Variants in USP15 observed in about 807,000 individuals in gnomAD.
USP15 encodes ubiquitin specific peptidase 15, also known as ubiquitin carboxyl-terminal hydrolase 15.
A neutral mutation model predicts 127.1 loss-of-function variants in USP15; 18 were observed. That is an observed-to-expected ratio of 0.14 (90% CI 0.10 to 0.21). USP15 has a LOEUF of 0.21. USP15 is among the 10% of genes least tolerant of loss of function. USP15 has a pLI of 1.00. For synonymous variants in USP15, 364 were observed against 393.7 expected (o/e 0.92, Z 0.89); for missense variants, 805 against 1,159.9 (o/e 0.69, Z 4.44).
At chr12:62,335,814 G>A in intron 6 of USP15, 1 of 985,166 alleles carries the variant, frequency 1.0e-6, no homozygotes, top group Non-Finnish European at 1.2e-6. Flanking sequence ...TTTTAACCTA[G>A]TTTATTTGAC....
intron 8 of USP15, among the ~76,000 whole-genome samples, chr12:62,377,870 GA>G (rs2066878728): frequency 6.6e-6 from 1 of 151,936 alleles, no homozygotes; most frequent in African/African-American, 2.4e-5. Context: ...AAAATTATGA[GA>G]ACTTTTAATA....
chr12:62,287,345 A>G (rs565118287), intron 1 of USP15, among the ~76,000 whole-genome samples: 43 of 152,342 alleles, frequency 2.8e-4, no homozygotes, highest in African/African-American at 9.9e-4. Context: ...AAAATTTTTT[A>G]AAACGAATTT....
chr12:62,260,735 C>T (rs1323556565), intron 1 of USP15, among the ~76,000 whole-genome samples: 1 of 152,142 alleles, frequency 6.6e-6, no homozygotes, highest in East Asian at 1.9e-4. Flanking sequence ...GGAGCGGCGG[C>T]GGCGGCGGTT....
At position 62,401,177 on chromosome 12, in the gene USP15, T is replaced by G. The variant is rs1215119097; in HGVS notation, c.2675-10T>G. 3 of 1,601,824 alleles carry G rather than the reference T, an allele frequency of 1.9e-6. No homozygotes were observed. Among genetic ancestry groups the G allele is most frequent in the Non-Finnish European group, 2.6e-6 (3 of 1,171,552 alleles). On this transcript the variant is annotated splice_polypyrimidine_tract_variant and intron_variant, in intron 20 of 21. Coordinates refer to ENST00000280377, the MANE Select transcript of USP15 (RefSeq NM_001252078.2). ...CATTTTCGTCACAGTGATTATATTT[T>G]TTTCATTAGATACTGCTTTTGCAAA... is the stretch of plus-strand genomic sequence containing the variant.
chr12:62,358,483 G>A (rs958465604), intron 8 of USP15, among the ~76,000 whole-genome samples: 1 of 152,176 alleles, frequency 6.6e-6, no homozygotes, highest in African/African-American at 2.4e-5. Context: ...GGGAGGCCAA[G>A]GCGAGTGGAT....
At chr12:62,374,384 T>C in intron 8 of USP15, 1 of 985,710 alleles carries the variant, frequency 1.0e-6, no homozygotes, top group Non-Finnish European at 1.2e-6. Flanking sequence ...TTCTTTCCTG[T>C]TCTAGTTACC....
At chr12:62,287,066 T>C (rs1472061084) in intron 1 of USP15, among the ~76,000 whole-genome samples, 2 of 152,082 alleles carry the variant, frequency 1.3e-5, no homozygotes, top group South Asian at 2.1e-4. Context: ...TTAACACAGA[T>C]ACAGAAGACC....
intron 1 of USP15, among the ~76,000 whole-genome samples, chr12:62,272,968 A>G (rs957698313): frequency 1.3e-4 from 20 of 152,062 alleles, no homozygotes; most frequent in Admixed American, 1.2e-3. Context: ...ACAGTTAAAA[A>G]TCTTTCAGTG....
chr12:62,402,447 T>G (rs1329684883), intron 21 of USP15, among the ~76,000 whole-genome samples: 1 of 151,980 alleles, frequency 6.6e-6, no homozygotes, highest in East Asian at 1.9e-4. Flanking sequence ...CAACTCAGAT[T>G]TGGGGTTTGA....
At chr12:62,283,161 A>G (rs2063698039) in intron 1 of USP15, among the ~76,000 whole-genome samples, 1 of 152,222 alleles carries the variant, frequency 6.6e-6, no homozygotes, top group Non-Finnish European at 1.5e-5. Flanking sequence ...TAAGGGGCAG[A>G]TAACCCGTTA....
At chr12:62,273,876 G>A (rs1183659791) in intron 1 of USP15, among the ~76,000 whole-genome samples, 3 of 152,040 alleles carry the variant, frequency 2.0e-5, no homozygotes, top group African/African-American at 7.2e-5. Flanking sequence ...AAAGTGGATT[G>A]TTAGAAATTG....
chr12:62,292,974 A>T lies in USP15; in HGVS notation c.90-1205A>T, dbSNP rs974018811. 3.3e-5 allele frequency among the ~76,000 whole-genome samples: 5 copies of T among 152,236 alleles called. No individual in the cohort carries two copies. The East Asian group carries it at 9.7e-4, about 29-fold the overall frequency. ...CAAGGGCTGAGGTTCCCTGGGCAAG[A>T]TAAAGTCCCCTGATGGATATGCTCT... On this transcript the variant is annotated intron_variant, in intron 1 of 21. Transcript: ENST00000280377.
chr12:62,390,955 G>A lies in USP15; in HGVS notation c.1936G>A (p.Gly646Ser). The change falls in exon 15 of 22, where the codon GGC becomes AGC. Residue 646 changes from glycine to serine, a missense_variant. Transcript: ENST00000280377. ...DQNINGNGPN[G>S]IHEEGSPSEM... ...AAATATTAATGGGAATGGCCCAAAT[G>A]GCATACATGAAGAAGGCTCACCAAG... is the stretch of plus-strand genomic sequence containing the variant. 6.2e-7 allele frequency: 1 copy of A among 1,612,492 alleles called. No individual in the cohort carries two copies. The highest frequency in any genetic ancestry group is 8.5e-7 in the Non-Finnish European group (1 of 1,179,124).
intron 1 of USP15, among the ~76,000 whole-genome samples, chr12:62,290,401 C>CA (rs1157789702): frequency 3.3e-5 from 5 of 152,130 alleles, no homozygotes; most frequent in Admixed American, 3.3e-4. Context: ...GATTTAAAGT[C>CA]AGCTTTATCT....
At chr12:62,283,741 G>GAATTTTATTTTAAATATT (rs2063716088) in intron 1 of USP15, among the ~76,000 whole-genome samples, 1 of 152,108 alleles carries the variant, frequency 6.6e-6, no homozygotes, top group Non-Finnish European at 1.5e-5. Context: ...CCAGGAGTTT[G>GAATTTTATTTTAAATATT]AGACCAGCCT....
chr12:62,381,398 C>A, intron 8 of USP15, 92 bp from the exon 9 acceptor site: 1 of 1,125,474 alleles, frequency 8.9e-7, no homozygotes, highest in Non-Finnish European at 1.2e-6. Flanking sequence ...TGTGTTATAG[C>A]AAATCAATTT....
chr12:62,275,232 C>T (rs535594526), intron 1 of USP15, among the ~76,000 whole-genome samples: 5 of 151,914 alleles, frequency 3.3e-5, no homozygotes, highest in South Asian at 4.1e-4. Context: ...ATTGGAAATA[C>T]GATTCAAGAA....
At chr12:62,363,296 A>G (rs150222990) in intron 8 of USP15, among the ~76,000 whole-genome samples, 1 of 152,194 alleles carries the variant, frequency 6.6e-6, no homozygotes, top group Non-Finnish European at 1.5e-5. Context: ...TCAACGATCA[A>G]TGAAAGCCAG....
At position 62,389,607 on chromosome 12, in the gene USP15, G is replaced by A; in HGVS notation, c.1560G>A (p.Met520Ile). 6.2e-7 allele frequency: 1 copy of A among 1,611,184 alleles called. No individual in the cohort carries two copies. Among genetic ancestry groups the A allele is most frequent in the South Asian group, 1.1e-5 (1 of 90,464 alleles). The change falls in exon 13 of 22, where the codon ATG (methionine) becomes ATA (isoleucine). Residue 520 changes from methionine to isoleucine, a missense_variant and splice_region_variant. By Grantham distance (10) the Met-to-Ile change is conservative. This residue lies in a region of USP15 where 82 missense variants were observed against 104.4 expected (regional missense o/e 0.79). Transcript: ENST00000280377. ...SALSGIPADK[M>I]IVTDIYNHRF... The stretch of plus-strand genomic sequence containing the variant: ...AATAGAAATTCGTTTCCTTTTAGAT[G>A]ATAGTTACTGATATATACAATCATA...
Sources: allele counts gnomAD v4.1 joint callset (sites outside exome capture counted in the v4.1 genomes callset), GRCh38; gene constraint gnomAD v4.1.1; regional missense constraint gnomAD v4.1.1; transcripts MANE v1.5; gene names NCBI Gene and HGNC (gene_info 2026-07-23, HGNC 2026-07-21).